C12orf42: variants seen among roughly 807,000 people sequenced by gnomAD.
The protein encoded by C12orf42 is chromosome 12 open reading frame 42.
Under a neutral mutation model 21.6 loss-of-function variants are expected in C12orf42, and 25 were observed. That is an observed-to-expected ratio of 1.16 (90% CI 0.84 to 1.62). The LOEUF (loss-of-function observed/expected upper bound fraction) is 1.62, where lower values mean the gene tolerates loss of function less well. C12orf42 is among the 40% of genes most tolerant of loss of function. C12orf42 has a pLI of 0.00. For synonymous variants in C12orf42, 174 were observed against 175.0 expected (o/e 0.99, Z 0.05); for missense variants, 483 against 459.3 (o/e 1.05, Z -0.47).
chr12:103,446,061 C>T (rs2137389936), intron 2 of C12orf42, among the ~76,000 whole-genome samples: 1 of 152,054 alleles, frequency 6.6e-6, no homozygotes, highest in East Asian at 1.9e-4. Flanking sequence ...ACTTTATACA[C>T]TGTTTACTAC....
At chr12:103,531,217 A>G in the C12orf42 span, among the ~76,000 whole-genome samples, 1 of 152,238 alleles carries the variant, frequency 6.6e-6, no homozygotes, top group Non-Finnish European at 1.5e-5. Context: ...TTTCTTGATG[A>G]CATTAAAAAT....
the C12orf42 span, among the ~76,000 whole-genome samples, chr12:103,081,816 A>G: frequency 1.3e-5 from 2 of 152,192 alleles, no homozygotes; most frequent in African/African-American, 4.8e-5. Flanking sequence ...TAATTTGATA[A>G]AGATTATTTT....
intron 2 of C12orf42, among the ~76,000 whole-genome samples, chr12:103,433,529 T>C (rs1440565481): frequency 6.6e-6 from 1 of 152,186 alleles, no homozygotes; most frequent in Non-Finnish European, 1.5e-5. Context: ...CAGTATCTAA[T>C]TGAATCTGTA....
intron 2 of C12orf42, among the ~76,000 whole-genome samples, chr12:103,471,398 T>TA (rs1953591855): frequency 6.6e-6 from 1 of 152,234 alleles, no homozygotes; most frequent in South Asian, 2.1e-4. Flanking sequence ...ATCTCTGATG[T>TA]AAAGCATTTC....
intron 2 of C12orf42, among the ~76,000 whole-genome samples, chr12:103,455,569 T>C (rs1259895699): frequency 1.3e-5 from 2 of 152,128 alleles, no homozygotes; most frequent in African/African-American, 2.4e-5. Context: ...TCTGCTCCTC[T>C]CAACACTGCC....
At chr12:103,524,371 T>C in the C12orf42 span, among the ~76,000 whole-genome samples, 2 of 152,186 alleles carry the variant, frequency 1.3e-5, no homozygotes, top group African/African-American at 4.8e-5. Flanking sequence ...CCACGCTGCC[T>C]TGAGGCACAC....
At chr12:103,503,090 T>A in the C12orf42 span, among the ~76,000 whole-genome samples, 1 of 152,324 alleles carries the variant, frequency 6.6e-6, no homozygotes, top group East Asian at 1.9e-4. Context: ...ACAGTTATGA[T>A]CATACAAGTG....
chr12:103,256,131 C>T (rs1276039805), intron 10 of C12orf42, among the ~76,000 whole-genome samples: 4 of 114,756 alleles, frequency 3.5e-5, no homozygotes, highest in African/African-American at 1.3e-4. Context: ...CACACACACA[C>T]ACACACACAC....
intron 2 of C12orf42, among the ~76,000 whole-genome samples, chr12:103,438,971 C>A (rs1950972686): frequency 1.3e-5 from 2 of 152,140 alleles, no homozygotes; most frequent in Non-Finnish European, 1.5e-5. Context: ...GGCAAAAGAA[C>A]AAAGCTGGAG....
chr12:103,279,691 T>G (rs1445453900), intron 4 of C12orf42, among the ~76,000 whole-genome samples: 1 of 152,176 alleles, frequency 6.6e-6, no homozygotes, highest in East Asian at 1.9e-4. Flanking sequence ...GGTGTGTGGT[T>G]GAAGATGAAT....
intron 2 of C12orf42, among the ~76,000 whole-genome samples, chr12:103,447,985 A>C (rs1203927099): frequency 6.6e-6 from 1 of 152,098 alleles, no homozygotes; most frequent in Non-Finnish European, 1.5e-5. Flanking sequence ...CCACATAGAC[A>C]AAGCAAGACT....
At chr12:103,438,710 G>A (rs1950947289) in intron 2 of C12orf42, among the ~76,000 whole-genome samples, 1 of 151,920 alleles carries the variant, frequency 6.6e-6, no homozygotes. Flanking sequence ...GGGATGTGAA[G>A]GACCTCTTCA....
chr12:103,101,783 G>A, the C12orf42 span, among the ~76,000 whole-genome samples: 1 of 152,174 alleles, frequency 6.6e-6, no homozygotes, highest in Non-Finnish European at 1.5e-5. Flanking sequence ...ATTTGGGCTG[G>A]GTTCAACAAG....
At chr12:103,321,998 T>C (rs1410760809) in intron 4 of C12orf42, among the ~76,000 whole-genome samples, 1 of 152,104 alleles carries the variant, frequency 6.6e-6, no homozygotes, top group East Asian at 1.9e-4. Context: ...ACATGTACCC[T>C]AAAACTTAAA....
the C12orf42 span, among the ~76,000 whole-genome samples, chr12:103,083,171 C>T: frequency 1.3e-5 from 2 of 152,090 alleles, no homozygotes; most frequent in Non-Finnish European, 2.9e-5. Context: ...TTGAGGCCAA[C>T]CTGACCAACA....
intron 3 of C12orf42, among the ~76,000 whole-genome samples, chr12:103,371,877 T>A (rs1429690028): frequency 2.0e-5 from 3 of 152,138 alleles, no homozygotes; most frequent in Non-Finnish European, 4.4e-5. Flanking sequence ...CAACAACTAT[T>A]ACCCCAATTT....
chr12:103,550,117 T>C, the C12orf42 span, among the ~76,000 whole-genome samples: 1 of 152,030 alleles, frequency 6.6e-6, no homozygotes, highest in African/African-American at 2.4e-5. Context: ...TAATGAAAAA[T>C]ATAAAAAAGA....
intron 2 of C12orf42, among the ~76,000 whole-genome samples, chr12:103,431,768 G>A (rs1950285278): frequency 6.6e-6 from 1 of 152,134 alleles, no homozygotes; most frequent in African/African-American, 2.4e-5. Context: ...GTTAGCAGCA[G>A]AACATATCCA....
intron 2 of C12orf42, among the ~76,000 whole-genome samples, chr12:103,434,555 G>C (rs1264353861): frequency 6.6e-6 from 1 of 152,096 alleles, no homozygotes; most frequent in African/African-American, 2.4e-5. Context: ...TACCATGCAC[G>C]AGCCGAAGCA....
Sources: allele counts gnomAD v4.1 joint callset (sites outside exome capture counted in the v4.1 genomes callset), GRCh38; gene constraint gnomAD v4.1.1; transcripts MANE v1.5; gene names NCBI Gene and HGNC (gene_info 2026-07-23, HGNC 2026-07-21).